PCDH7: variants seen among roughly 807,000 people sequenced by gnomAD.
PCDH7 encodes the protein protocadherin 7.
A neutral mutation model predicts 58.9 loss-of-function variants in PCDH7; 17 were observed. The observed-to-expected ratio is 0.29, with a 90% CI of 0.20 to 0.43. The LOEUF (loss-of-function observed/expected upper bound fraction) is 0.43. Among genes scored for constraint, PCDH7 ranks in the 20% least tolerant of loss-of-function variants. The pLI is 1.00. For synonymous variants in PCDH7, 664 were observed against 616.4 expected, an observed-to-expected ratio of 1.08 and a Z score of -1.14; for missense variants, 1,274 against 1,441.0, an observed-to-expected ratio of 0.88 and a Z score of 1.88.
intron 1 of PCDH7, among the ~76,000 whole-genome samples, chr4:30,827,002 T>G (rs1729176171): frequency 6.6e-6 from 1 of 152,192 alleles, no homozygotes; most frequent in Non-Finnish European, 1.5e-5. Flanking sequence ...CTCTTATGTT[T>G]CCTGCCTTTT....
chr4:31,047,429 G>T (rs900134090), intron 3 of PCDH7, among the ~76,000 whole-genome samples: 6 of 151,924 alleles, frequency 3.9e-5, no homozygotes, highest in African/African-American at 1.5e-4. Context: ...ATGTACAGCT[G>T]TATCTTTTGG....
At chr4:30,743,547 C>T (rs760969967) in intron 1 of PCDH7, among the ~76,000 whole-genome samples, 3 of 151,630 alleles carry the variant, frequency 2.0e-5, no homozygotes, top group Non-Finnish European at 4.4e-5. Flanking sequence ...AATAAAGGTA[C>T]TAAGGGAATA....
At chr4:30,873,644 C>G (rs1316301628) in intron 1 of PCDH7, among the ~76,000 whole-genome samples, 1 of 151,866 alleles carries the variant, frequency 6.6e-6, no homozygotes, top group South Asian at 2.1e-4. Flanking sequence ...GTCTGATATT[C>G]ATGGGGTCAT....
intron 3 of PCDH7, among the ~76,000 whole-genome samples, chr4:31,089,415 A>G (rs1463903022): frequency 6.6e-6 from 1 of 151,670 alleles, no homozygotes; most frequent in African/African-American, 2.4e-5. Context: ...TGCCAAGAAA[A>G]TTTTTTTCTT....
rs139460715 is a variant in PCDH7, at chr4:31,131,774, T to C, written c.*8-10699T>C. ...ATCCCAAGCAAAGAGTTTGAGAATA[T>C]GATTTGAATATATTATCTTTGAATA... On this transcript the variant is annotated intron_variant, in intron 3 of 3. Coordinates refer to the PCDH7 transcript ENST00000509759. Among the ~76,000 whole-genome samples the C allele has an allele frequency of 2.6e-3, 390 of 152,344 alleles. 1 individual carries two copies. The highest frequency in any genetic ancestry group is 7.0e-3 in the Admixed American group (107 of 15,302).
At chr4:30,804,280 C>A (rs992176608) in intron 1 of PCDH7, among the ~76,000 whole-genome samples, 1 of 152,094 alleles carries the variant, frequency 6.6e-6, no homozygotes, top group Non-Finnish European at 1.5e-5. Flanking sequence ...GTGGCTCATG[C>A]CTGTTATCCC....
At chr4:30,877,871 T>A (rs1376544800) in intron 1 of PCDH7, among the ~76,000 whole-genome samples, 2 of 152,034 alleles carry the variant, frequency 1.3e-5, no homozygotes, top group African/African-American at 4.8e-5. Context: ...TAAGTAAAAG[T>A]TTTGAGGATA....
At position 30,723,743 on chromosome 4, in the gene PCDH7, G is replaced by A. The variant is rs1333240706; in HGVS notation, c.2321G>A (p.Gly774Asp). 1 of 1,614,148 alleles carries A rather than the reference G, an allele frequency of 6.2e-7. No individual in the cohort carries two copies. Among genetic ancestry groups the A allele is most frequent in the South Asian group, 1.1e-5 (1 of 91,082 alleles). ...GTGTTGGCAACAGACAGTGATGATG[G>A]CATCAATGCAGACCTGAACTACAGC... The change falls in exon 1 of 2, where the codon GGC becomes GAC. Residue 774 changes from glycine (G) to aspartate (D), a missense_variant. Physicochemically the swap from Gly to Asp is moderately conservative, Grantham distance 94. Coordinates refer to ENST00000361762, the Ensembl canonical transcript of PCDH7. This position sits in a 1 kb window ranked among gnomAD's most constrained non-coding sequence, Gnocchi z 4.6.
chr4:30,767,162 A>G (rs1212370925), intron 1 of PCDH7, among the ~76,000 whole-genome samples: 1 of 152,210 alleles, frequency 6.6e-6, no homozygotes, highest in Non-Finnish European at 1.5e-5. Context: ...TTTTCTCTGA[A>G]TAGCTAAACT....
In PCDH7 at chr4:30,721,475, G is replaced by T. The variant is rs757643187; in HGVS notation, c.53G>T (p.Cys18Phe). 2.2e-5 allele frequency: 35 copies of T among 1,582,362 alleles called. No individual in the cohort carries two copies. The highest frequency in any genetic ancestry group is 2.7e-5 in the Non-Finnish European group (32 of 1,169,954). The change falls in exon 1 of 2, where the codon TGC (cysteine) becomes TTC (phenylalanine). Residue 18 changes from cysteine to phenylalanine, a missense_variant. Around this residue, in one of 3 missense-constraint regions of PCDH7, gnomAD observed 212 missense variants for 255.8 expected, o/e 0.83. Transcript: ENST00000361762. The surrounding 1 kb of genome is among the most constrained non-coding windows in gnomAD (Gnocchi z 6.7). ...GCGCGCGGCTGGTGCTTGGGCTGCT[G>T]CCTCCTCCTGCCGCTCTCGCTCAGC...
chr4:30,724,798 A>T, intron 1 of PCDH7: 1 of 1,400,116 alleles, frequency 7.1e-7, no homozygotes. Flanking sequence ...AATTAGAATT[A>T]AGGTTCACTA....
chr4:30,793,288 TC>T (rs1303085127), intron 1 of PCDH7, among the ~76,000 whole-genome samples: 2 of 152,192 alleles, frequency 1.3e-5, no homozygotes, highest in Non-Finnish European at 2.9e-5. Context: ...ACAATATGTA[TC>T]TTGCACTACT....
intron 3 of PCDH7, among the ~76,000 whole-genome samples, chr4:30,981,150 T>G (rs1750526796): frequency 6.6e-6 from 1 of 152,212 alleles, no homozygotes; most frequent in Non-Finnish European, 1.5e-5. Context: ...CCTATTTATT[T>G]ATTTTTAATC....
At chr4:30,871,731 A>G (rs1160373408) in intron 1 of PCDH7, among the ~76,000 whole-genome samples, 1 of 152,060 alleles carries the variant, frequency 6.6e-6, no homozygotes, top group Non-Finnish European at 1.5e-5. Context: ...ACAAAATAAT[A>G]GAAATATAGG....
At chr4:30,891,030 G>A (rs917905163) in intron 1 of PCDH7, among the ~76,000 whole-genome samples, 1 of 151,960 alleles carries the variant, frequency 6.6e-6, no homozygotes, top group East Asian at 1.9e-4. Context: ...AAACTCTCAT[G>A]ATGATACCAG....
At chr4:30,834,083 T>C (rs1730156948) in intron 1 of PCDH7, among the ~76,000 whole-genome samples, 2 of 152,134 alleles carry the variant, frequency 1.3e-5, no homozygotes, top group South Asian at 4.1e-4. Context: ...AGTCATAAGC[T>C]CTTTGATAAC....
intron 1 of PCDH7, among the ~76,000 whole-genome samples, chr4:30,805,806 C>T (rs1441995414): frequency 1.3e-5 from 2 of 152,218 alleles, no homozygotes; most frequent in African/African-American, 4.8e-5. Context: ...AACCACAGTA[C>T]AGGCCACCAA....
intron 1 of PCDH7, among the ~76,000 whole-genome samples, chr4:30,844,469 G>A (rs1383976419): frequency 2.6e-5 from 4 of 151,974 alleles, no homozygotes; most frequent in African/African-American, 2.4e-5. Flanking sequence ...AGTTAGTATC[G>A]ACTTCCACAT....
At chr4:30,901,298 T>C (rs1020174701) in intron 1 of PCDH7, among the ~76,000 whole-genome samples, 10 of 152,084 alleles carry the variant, frequency 6.6e-5, no homozygotes, top group African/African-American at 2.4e-4. Context: ...AAAAACCAGA[T>C]AGAGAGAGGA....
Sources: allele counts gnomAD v4.1 joint callset (sites outside exome capture counted in the v4.1 genomes callset), GRCh38; gene constraint gnomAD v4.1.1; regional missense constraint gnomAD v4.1.1; non-coding constraint Gnocchi (gnomAD v3.1); transcripts MANE v1.5; gene names NCBI Gene and HGNC (gene_info 2026-07-23, HGNC 2026-07-21).